HECTD4: variants seen among roughly 807,000 people sequenced by gnomAD.
The protein encoded by HECTD4 is HECT domain E3 ubiquitin protein ligase 4, also known as probable E3 ubiquitin-protein ligase HECTD4.
In HECTD4, 114 loss-of-function variants were observed where a neutral mutation model predicts 471.5. The observed-to-expected ratio is 0.24, with a 90% CI of 0.21 to 0.28. The LOEUF is 0.28. HECTD4 is among the 10% of genes least tolerant of loss of function. The pLI, the probability that HECTD4 is intolerant of heterozygous loss-of-function variation, is 1.00. For missense variants in HECTD4, 3,866 were observed against 5,651.5 expected (o/e 0.68, Z 10.13); for synonymous variants, 2,012 against 2,256.0 (o/e 0.89, Z 3.07).
At chr12:112,249,406 A>G (rs1375605385) in intron 25 of HECTD4, among the ~76,000 whole-genome samples, 1 of 151,920 alleles carries the variant, frequency 6.6e-6, no homozygotes, top group Non-Finnish European at 1.5e-5. Flanking sequence ...ATTTTGAGTT[A>G]GAGACATATT....
chr12:112,298,963 C>T (rs2035105491), intron 7 of HECTD4, among the ~76,000 whole-genome samples: 1 of 151,662 alleles, frequency 6.6e-6, no homozygotes, highest in South Asian at 2.1e-4. Flanking sequence ...TCACAGTGTT[C>T]CATTCTGTGA....
At chr12:112,217,775 C>T (rs1420414245) in intron 45 of HECTD4, among the ~76,000 whole-genome samples, 1 of 152,156 alleles carries the variant, frequency 6.6e-6, no homozygotes, top group African/African-American at 2.4e-5. Context: ...CCTCTTATAG[C>T]CCCCATGTAG....
chr12:112,204,888 G>A (rs1474441047), intron 52 of HECTD4, among the ~76,000 whole-genome samples: 1 of 151,894 alleles, frequency 6.6e-6, no homozygotes, highest in East Asian at 1.9e-4. Context: ...ATCCCAGCAC[G>A]TTGGGAGGCT....
chr12:112,241,533 C>A (rs1280916794), intron 32 of HECTD4, among the ~76,000 whole-genome samples: 1 of 152,186 alleles, frequency 6.6e-6, no homozygotes, highest in African/African-American at 2.4e-5. Flanking sequence ...GCGATCACAG[C>A]TTACTGCAGC....
chr12:112,374,200 C>T (rs1350460565), intron 1 of HECTD4, among the ~76,000 whole-genome samples: 1 of 151,816 alleles, frequency 6.6e-6, no homozygotes, highest in Admixed American at 6.6e-5. Context: ...AGTAGCACAC[C>T]GGTAGTCCCA....
At chr12:112,231,292 G>A in intron 39 of HECTD4, 1 of 577,414 alleles carries the variant, frequency 1.7e-6, no homozygotes, top group Non-Finnish European at 3.1e-6. Context: ...CCCTCAGCCA[G>A]GAGCATCCCT....
chr12:112,334,561 G>A (rs960953445), intron 1 of HECTD4, among the ~76,000 whole-genome samples: 9 of 150,436 alleles, frequency 6.0e-5, no homozygotes, highest in East Asian at 2.0e-4. Context: ...TTGGGAGGCC[G>A]AGGCGGGCAG....
chr12:112,296,122 A>G (rs1049490719), intron 7 of HECTD4, among the ~76,000 whole-genome samples: 4 of 152,158 alleles, frequency 2.6e-5, no homozygotes, highest in African/African-American at 9.7e-5. Flanking sequence ...ACAAGAAGGT[A>G]TGGTAGGTGC....
rs1328659185 is a variant in HECTD4 at position 112,261,292 on chromosome 12, A to G, written c.2873+13T>C. Reference sequence around the variant, plus strand: ...ACAGGGCAGCTGGTCACAGCCCACAATCCATTCCTCACCTCTGCTCACGGT... The same window carrying G: ...ACAGGGCAGCTGGTCACAGCCCACAGTCCATTCCTCACCTCTGCTCACGGT... On this transcript the variant is annotated intron_variant, in intron 18 of 75. Coordinates refer to ENST00000682272, the MANE Select transcript of HECTD4 (RefSeq NM_001388303.1). 2 of 1,572,226 alleles carry G rather than the reference A, an allele frequency of 1.3e-6. No homozygotes were observed. The highest frequency in any genetic ancestry group is 1.2e-5 in the South Asian group (1 of 86,656).
rs1258459230 is a variant in HECTD4, at chr12:112,235,222, T to C, written c.5770A>G (p.Thr1924Ala). Residue 1924 changes from threonine (T) to alanine (A), a missense_variant, in exon 37 of 76, where the codon ACA becomes GCA. Coordinates refer to ENST00000682272, the MANE Select transcript of HECTD4 (RefSeq NM_001388303.1). This position sits in a 1 kb window ranked among gnomAD's most constrained non-coding sequence, Gnocchi z 5.0. ...LSPTASEPDT[T>A]LTKTSPKNSL... ...TTCTTGGGACTGGTTTTTGTCAATG[T>C]GGTGTCAGGTTCAGAAGCGGTTGGA... The C allele has an allele frequency of 6.2e-7, 1 of 1,614,006 alleles. No individual in the cohort carries two copies. The highest frequency in any genetic ancestry group is 1.1e-5 in the South Asian group (1 of 91,082).
intron 1 of HECTD4, chr12:112,323,147 G>A: frequency 6.0e-6 from 1 of 166,144 alleles, no homozygotes; most frequent in South Asian, 1.7e-4. Flanking sequence ...GGAGGAGGAG[G>A]TGGGAGGATC....
intron 1 of HECTD4, among the ~76,000 whole-genome samples, chr12:112,342,209 A>T (rs141101753): frequency 6.6e-6 from 1 of 152,288 alleles, no homozygotes; most frequent in East Asian, 1.9e-4. Flanking sequence ...TAATCCTAAC[A>T]CCTTGGGAGG....
intron 29 of HECTD4, among the ~76,000 whole-genome samples, chr12:112,245,840 A>T (rs1205546525): frequency 6.6e-6 from 1 of 152,206 alleles, no homozygotes; most frequent in African/African-American, 2.4e-5. Context: ...AACAATTAAA[A>T]TGTGACCTAG....
At position 112,230,829 on chromosome 12, in the gene HECTD4, G is replaced by A. The variant is rs1457098173; in HGVS notation, c.6201-7C>T. 2 of 1,606,640 alleles carry A rather than the reference G, an allele frequency of 1.2e-6. No homozygotes were observed. The highest frequency in any genetic ancestry group is 1.7e-6 in the Non-Finnish European group (2 of 1,176,344). ...GGGACGCACAGGATCAGTCCTGCAA[G>A]TGTCAACAGGAAAAAGTGTCAGTGC... On this transcript the variant is annotated splice_polypyrimidine_tract_variant and splice_region_variant and intron_variant, in intron 39 of 75. Transcript: ENST00000682272.
chr12:112,201,293 T>C (rs1190891685), intron 54 of HECTD4: 1 of 287,950 alleles, frequency 3.5e-6, no homozygotes, highest in East Asian at 1.2e-4. Context: ...GGTTTCACCA[T>C]GTTGGCCAGG....
intron 22 of HECTD4, among the ~76,000 whole-genome samples, chr12:112,253,114 T>A (rs1400303198): frequency 1.3e-5 from 2 of 149,752 alleles, no homozygotes; most frequent in Non-Finnish European, 3.0e-5. Context: ...TTGCTCGGCC[T>A]TGAGCATAAT....
At chr12:112,378,626 G>A (rs976872743) in intron 1 of HECTD4, among the ~76,000 whole-genome samples, 1 of 152,144 alleles carries the variant, frequency 6.6e-6, no homozygotes, top group African/African-American at 2.4e-5. Context: ...TTAACTGAAG[G>A]ATTCTATATA....
intron 7 of HECTD4, chr12:112,301,919 G>T: frequency 9.6e-7 from 1 of 1,040,240 alleles, no homozygotes; most frequent in Non-Finnish European, 1.5e-6. Context: ...TTCGAGCTTG[G>T]CAATGCAAGC....
Position 112,248,148 on chromosome 12 carries a change from T to C in HECTD4, c.4167A>G (p.Lys1389=), listed in dbSNP as rs898188386. 1 of 1,613,192 alleles carries C rather than the reference T, an allele frequency of 6.2e-7. No homozygotes were observed. Among genetic ancestry groups the C allele is most frequent in the Non-Finnish European group, 8.5e-7 (1 of 1,179,554 alleles). Residue 1389 remains lysine, a synonymous_variant, in exon 27 of 76, where the codon AAA becomes AAG. Transcript: ENST00000682272. ...QLQSVAELEQ[K]WQSEVDDAMQ... is the part of the protein sequence containing the mutation. Reference sequence around the variant, plus strand: ...TGGCATCATCAACTTCACTTTGCCATTTTTGTTCCAGTTCTGCAACACTCT... The same window carrying C: ...TGGCATCATCAACTTCACTTTGCCACTTTTGTTCCAGTTCTGCAACACTCT...
Sources: allele counts gnomAD v4.1 joint callset (sites outside exome capture counted in the v4.1 genomes callset), GRCh38; gene constraint gnomAD v4.1.1; non-coding constraint Gnocchi (gnomAD v3.1); transcripts MANE v1.5; gene names NCBI Gene and HGNC (gene_info 2026-07-23, HGNC 2026-07-21).